Variants in NRXN3 observed in about 807,000 individuals in gnomAD.
NRXN3 encodes neurexin 3.
In NRXN3, 32 loss-of-function variants were observed where a neutral mutation model predicts 137.6. That is an observed-to-expected ratio of 0.23 (90% CI 0.18 to 0.31). The LOEUF is 0.31. Among genes scored for constraint, NRXN3 ranks in the 10% least tolerant of loss-of-function variants. The pLI is 1.00. For missense variants in NRXN3, 1,574 were observed against 2,062.5 expected (o/e 0.76, Z 4.59); for synonymous variants, 798 against 784.5 (o/e 1.02, Z -0.29).
intron 15 of NRXN3, among the ~76,000 whole-genome samples, chr14:79,381,624 C>T (rs533820845): frequency 6.6e-6 from 1 of 152,214 alleles, no homozygotes; most frequent in South Asian, 2.1e-4. Flanking sequence ...ATGCATAATT[C>T]TCAGTCAAAA....
intron 4 of NRXN3, among the ~76,000 whole-genome samples, chr14:78,527,179 A>C (rs1464589981): frequency 6.6e-6 from 1 of 152,208 alleles, no homozygotes; most frequent in Non-Finnish European, 1.5e-5. Context: ...TGCTACAAAT[A>C]AATACCTGAG....
At chr14:78,566,141 C>T (rs1274956715) in intron 4 of NRXN3, among the ~76,000 whole-genome samples, 1 of 152,056 alleles carries the variant, frequency 6.6e-6, no homozygotes, top group Non-Finnish European at 1.5e-5. Context: ...CTCATGCCGG[C>T]TCTCCCACCC....
chr14:79,728,153 G>A (rs2098903170), intron 19 of NRXN3, among the ~76,000 whole-genome samples: 1 of 152,142 alleles, frequency 6.6e-6, no homozygotes, highest in East Asian at 1.9e-4. Flanking sequence ...AACTGAGTAG[G>A]TGTTTCCCAG....
At chr14:78,604,331 G>A (rs1218460576) in intron 4 of NRXN3, among the ~76,000 whole-genome samples, 4 of 149,200 alleles carry the variant, frequency 2.7e-5, no homozygotes, top group Non-Finnish European at 5.9e-5. Flanking sequence ...TACAAGTATC[G>A]TTTATTCACT....
At chr14:79,653,956 C>T (rs2098490970) in intron 16 of NRXN3, among the ~76,000 whole-genome samples, 1 of 152,078 alleles carries the variant, frequency 6.6e-6, no homozygotes, top group South Asian at 2.1e-4. Flanking sequence ...TGGAAAGTAC[C>T]CCACTCTGGG....
chr14:79,828,967 A>T (rs2099314350), intron 20 of NRXN3, among the ~76,000 whole-genome samples: 1 of 152,142 alleles, frequency 6.6e-6, no homozygotes. Flanking sequence ...TCAACTATTG[A>T]TCGATTTATA....
intron 15 of NRXN3, among the ~76,000 whole-genome samples, chr14:79,307,219 AT>A (rs571031179): frequency 1.0e-3 from 154 of 152,252 alleles, no homozygotes; most frequent in African/African-American, 3.6e-3. Flanking sequence ...CCTCAAAAAC[AT>A]TAAATAAGTT....
chr14:78,885,926 G>A (rs975617369), intron 10 of NRXN3, among the ~76,000 whole-genome samples: 1 of 152,078 alleles, frequency 6.6e-6, no homozygotes, highest in Admixed American at 6.6e-5. Flanking sequence ...GGATGTGAGG[G>A]TTTGCTCTAT....
chr14:78,849,201 G>C (rs1158966571), intron 10 of NRXN3, among the ~76,000 whole-genome samples: 2 of 152,116 alleles, frequency 1.3e-5, no homozygotes, highest in African/African-American at 4.8e-5. Context: ...AGGCAAGTTA[G>C]TTAGCTTCTC....
intron 15 of NRXN3, among the ~76,000 whole-genome samples, chr14:79,043,875 C>T (rs559931108): frequency 6.6e-6 from 1 of 152,314 alleles, no homozygotes; most frequent in Admixed American, 6.5e-5. Context: ...GTGGCTACCT[C>T]AGATCAGGAT....
intron 10 of NRXN3, among the ~76,000 whole-genome samples, chr14:78,854,599 T>C (rs1367714131): frequency 2.0e-5 from 3 of 152,194 alleles, no homozygotes; most frequent in Non-Finnish European, 4.4e-5. Flanking sequence ...TTTAAGTGTG[T>C]GTATAAGTAT....
chr14:78,226,734 T>G (rs1483653764), intron 1 of NRXN3, among the ~76,000 whole-genome samples: 1 of 152,184 alleles, frequency 6.6e-6, no homozygotes, highest in Non-Finnish European at 1.5e-5. Flanking sequence ...TATACTGACT[T>G]TTTAATTAAA....
intron 6 of NRXN3, among the ~76,000 whole-genome samples, chr14:78,701,194 C>G (rs1394590033): frequency 6.6e-6 from 1 of 152,208 alleles, no homozygotes; most frequent in Non-Finnish European, 1.5e-5. Context: ...CCACTCTGAA[C>G]AGGCATGGAG....
intron 15 of NRXN3, among the ~76,000 whole-genome samples, chr14:79,317,377 G>C (rs550739570): frequency 3.3e-5 from 5 of 152,146 alleles, no homozygotes; most frequent in African/African-American, 1.2e-4. Flanking sequence ...TTTGATCACG[G>C]CCTTGTTGTC....
chr14:78,404,257 C>T (rs970539986), intron 4 of NRXN3, among the ~76,000 whole-genome samples: 4 of 148,002 alleles, frequency 2.7e-5, no homozygotes, highest in Admixed American at 6.8e-5. Flanking sequence ...CAGACAGAAA[C>T]AGGGTTGCAT....
At chr14:79,613,020 A>G (rs2098120288) in intron 16 of NRXN3, among the ~76,000 whole-genome samples, 1 of 152,184 alleles carries the variant, frequency 6.6e-6, no homozygotes, top group Non-Finnish European at 1.5e-5. Flanking sequence ...GGTATGCAAA[A>G]GTGTTGAGTG....
At chr14:78,602,576 G>A (rs2097211038) in intron 4 of NRXN3, 1 of 152,188 alleles carries the variant, frequency 6.6e-6, no homozygotes, top group African/African-American at 2.4e-5. Context: ...CCCAGGAGCA[G>A]CTGTAGTGTC....
intron 10 of NRXN3, among the ~76,000 whole-genome samples, chr14:78,834,892 G>C (rs952577524): frequency 1.3e-5 from 2 of 152,104 alleles, no homozygotes; most frequent in Non-Finnish European, 2.9e-5. Context: ...AAGAGAGAGA[G>C]GATGCTCCTT....
chr14:79,463,047 G>A (rs1000875447), intron 15 of NRXN3, among the ~76,000 whole-genome samples: 47 of 152,028 alleles, frequency 3.1e-4, no homozygotes, highest in African/African-American at 1.1e-3. Context: ...ATGCCATAAA[G>A]GCAGGGCCAG....
Sources: gnomAD v4.1 joint callset for allele counts (sites outside exome capture counted in the v4.1 genomes callset) on GRCh38, gnomAD v4.1.1 for gene constraint, MANE v1.5 for transcripts, NCBI Gene and HGNC (gene_info 2026-07-23, HGNC 2026-07-21) for gene names.